CYP4F3: variants seen among roughly 807,000 people sequenced by gnomAD.
CYP4F3 encodes cytochrome P450 4F3.
In CYP4F3, 50 loss-of-function variants were observed where a neutral mutation model predicts 54.8. The observed-to-expected ratio is 0.91, with a 90% CI of 0.73 to 1.16. The LOEUF is 1.16. Among genes scored for constraint, CYP4F3 ranks in the 50% most tolerant of loss-of-function variants. The pLI is 0.00. For synonymous variants in CYP4F3, 244 were observed against 262.6 expected, an observed-to-expected ratio of 0.93 and a Z score of 0.69; for missense variants, 715 against 676.2, an observed-to-expected ratio of 1.06 and a Z score of -0.64.
At chr19:15,654,136 G>A (rs1179234954) in intron 9 of CYP4F3, among the ~76,000 whole-genome samples, 1 of 152,188 alleles carries the variant, frequency 6.6e-6, no homozygotes, top group Non-Finnish European at 1.5e-5. Flanking sequence ...CTTGGACTCA[G>A]TGTCCTCCCG....
intron 2 of CYP4F3, among the ~76,000 whole-genome samples, chr19:15,642,717 G>A (rs1047010376): frequency 2.6e-5 from 4 of 152,244 alleles, no homozygotes; most frequent in Non-Finnish European, 5.9e-5. Flanking sequence ...GAGAGATAGA[G>A]CAGGAGGAAT....
chr19:15,662,276 A>AAAAAAAAAAAAAAAAAAAG lies in CYP4F3; in HGVS notation c.*2907_*2908insAAGAAAAAAAAAAAAAAAA, dbSNP rs1260976654. On this transcript the variant is annotated 3_prime_UTR_variant, in exon 13 of 13. Transcript: ENST00000221307. ...AAAGAGCTAGATTCTCTCTCTCAAA[A>AAAAAAAAAAAAAAAAAAAG]AAAAAAAAAAAAAAAAGGAAAGAAA... is the stretch of plus-strand genomic sequence containing the variant. The AAAAAAAAAAAAAAAAAAAG allele has an allele frequency of 6.9e-6, 1 of 144,356 alleles. No homozygotes were observed. The highest frequency in any genetic ancestry group is 1.5e-5 in the Non-Finnish European group (1 of 64,962). The allele number at this position is 144,356 out of a possible 1,614,324, so 8.9% of individuals were successfully genotyped here.
At chr19:15,652,153 C>G (rs1006554271) in intron 7 of CYP4F3, among the ~76,000 whole-genome samples, 3 of 152,144 alleles carry the variant, frequency 2.0e-5, no homozygotes, top group African/African-American at 7.2e-5. Context: ...ACTTACAACT[C>G]AAATGTCTCC....
intron 11 of CYP4F3, 73 bp downstream of exon 11, chr19:15,658,628 A>T (rs1240553185): frequency 1.6e-5 from 25 of 1,609,112 alleles, no homozygotes; most frequent in African/African-American, 2.7e-5. Flanking sequence ...TGATCAGGAG[A>T]ATCCAACATC....
At chr19:15,645,168 A>G (rs2144636678) in intron 2 of CYP4F3, among the ~76,000 whole-genome samples, 1 of 152,294 alleles carries the variant, frequency 6.6e-6, no homozygotes, top group Non-Finnish European at 1.5e-5. Flanking sequence ...TAGAAGCTCA[A>G]TTCTCATGGG....
Position 15,650,866 on chromosome 19 carries a change from C to CTTTCTTTCTTTCTTTG in CYP4F3, c.918+686_918+687insCTTTCTTTCTTTGTTT, listed in dbSNP as rs1230234590. 6.4e-4 allele frequency among the ~76,000 whole-genome samples: 30 copies of CTTTCTTTCTTTCTTTG among 47,126 alleles called. 4 individuals carry two copies. The highest frequency in any genetic ancestry group is 7.9e-4 in the Non-Finnish European group (19 of 24,156). 30.9% of individuals were successfully genotyped at this position (47,126 alleles called of 152,430 possible). A position where few individuals can be genotyped will look rare whatever the true frequency, so the allele number is the denominator to read the frequency against. ...TCTTTCTTTCTTTCTTTCTTTCTTT[C>CTTTCTTTCTTTCTTTG]TTTTTCTCTCTCTCTCTTTCCTTTT... On this transcript the variant is annotated intron_variant, in intron 7 of 12. Coordinates refer to ENST00000221307, the MANE Select transcript of CYP4F3 (RefSeq NM_000896.3).
intron 6 of CYP4F3, 92 bp from the exon 7 acceptor site, chr19:15,649,821 G>T: frequency 1.3e-6 from 2 of 1,548,444 alleles, no homozygotes. Context: ...CCCGTTTACT[G>T]ATAGGAGGTA....
chr19:15,642,123 C>G (rs1268097638), intron 2 of CYP4F3, among the ~76,000 whole-genome samples: 1 of 152,178 alleles, frequency 6.6e-6, no homozygotes, highest in Non-Finnish European at 1.5e-5. Flanking sequence ...TGTTGCCAAA[C>G]CCACATAAAA....
In CYP4F3 at chr19:15,652,648, G is replaced by T. The variant is rs773519059; in HGVS notation, c.985+13G>T. 2 of 1,614,062 alleles carry T rather than the reference G, an allele frequency of 1.2e-6. No individual in the cohort carries two copies. Among genetic ancestry groups the T allele is most frequent in the African/African-American group, 1.3e-5 (1 of 74,922 alleles). On this transcript the variant is annotated intron_variant, in intron 8 of 12. Coordinates refer to ENST00000221307, the MANE Select transcript of CYP4F3 (RefSeq NM_000896.3). ...TTTATGTTTGAGGGTGAGGGCCCCA[G>T]TGTGGGGCTAGAGTGGGGACTTGGA...
intron 3 of CYP4F3, 148 bp downstream of exon 3, chr19:15,646,011 T>C (rs1972615510): frequency 1.5e-5 from 18 of 1,210,386 alleles, no homozygotes; most frequent in Non-Finnish European, 2.0e-5. Flanking sequence ...CCATCTCCCC[T>C]GGACTTCCAT....
rs202044237 is a variant in CYP4F3 at position 15,647,245 on chromosome 19, G to C, written c.446G>C (p.Arg149Pro). Reference sequence around the variant, plus strand: ...GGTGAAAAGTGGAGCCGCCACCGTCGGATGCTGACGCCTGCCTTCCATTTC... The same window carrying C: ...GGTGAAAAGTGGAGCCGCCACCGTCCGATGCTGACGCCTGCCTTCCATTTC... ...SAGEKWSRHR[R>P]MLTPAFHFNI... Residue 149 changes from arginine (R) to proline (P), a missense_variant, in exon 5 of 13, where the codon CGG becomes CCG. Transcript: ENST00000221307. The C allele has an allele frequency of 2.5e-6, 4 of 1,614,186 alleles. No individual in the cohort carries two copies. Among genetic ancestry groups the C allele is most frequent in the Non-Finnish European group, 3.4e-6 (4 of 1,180,044 alleles).
intron 7 of CYP4F3, 104 bp downstream of exon 7, chr19:15,650,287 G>A (rs1972757053): frequency 6.2e-7 from 1 of 1,604,860 alleles, no homozygotes; most frequent in Admixed American, 1.7e-5. Flanking sequence ...GGGAGCCATG[G>A]AAGGTGATTG....
intron 5 of CYP4F3, 66 bp downstream of exon 5, chr19:15,647,390 G>T (rs963938339): frequency 1.6e-5 from 26 of 1,600,430 alleles, no homozygotes; most frequent in Non-Finnish European, 2.0e-5. Context: ...GACAGATCTA[G>T]TCTGGAATTT....
At chr19:15,658,883 G>A in intron 12 of CYP4F3, 74 bp downstream of exon 12, 2 of 1,557,478 alleles carry the variant, frequency 1.3e-6, no homozygotes, top group Non-Finnish European at 8.8e-7. Flanking sequence ...TGGGGAAAAG[G>A]GGGACATTGT....
At chr19:15,657,763 T>C (rs1242430186) in intron 9 of CYP4F3, among the ~76,000 whole-genome samples, 1 of 152,208 alleles carries the variant, frequency 6.6e-6, no homozygotes, top group African/African-American at 2.4e-5. Context: ...CGTGTTGATG[T>C]TATTTGCTTT....
At chr19:15,649,303 G>A (rs753823555) in intron 6 of CYP4F3, 22 bp downstream of exon 6, 2 of 1,612,150 alleles carry the variant, frequency 1.2e-6, no homozygotes, top group African/African-American at 1.3e-5. Flanking sequence ...CCCAGGGTCT[G>A]GGATCCTGGG....
At chr19:15,648,234 A>G (rs998448851) in intron 5 of CYP4F3, among the ~76,000 whole-genome samples, 1 of 152,050 alleles carries the variant, frequency 6.6e-6, no homozygotes, top group South Asian at 2.1e-4. Flanking sequence ...TAGTTTTACT[A>G]CTCATGACAC....
At chr19:15,646,760 G>A (rs1568394318) in intron 3 of CYP4F3, among the ~76,000 whole-genome samples, 1 of 152,116 alleles carries the variant, frequency 6.6e-6, no homozygotes, top group African/African-American at 2.4e-5. Flanking sequence ...GCGTGTTCAG[G>A]GTTTGCAGAA....
intron 9 of CYP4F3, among the ~76,000 whole-genome samples, chr19:15,653,797 A>C (rs977986969): frequency 6.7e-6 from 1 of 148,246 alleles, no homozygotes; most frequent in African/African-American, 2.5e-5. Context: ...CAGGGTCAGG[A>C]CAGAAAGGAG....
Sources: gnomAD v4.1 joint callset for allele counts (sites outside exome capture counted in the v4.1 genomes callset) on GRCh38, gnomAD v4.1.1 for gene constraint, MANE v1.5 for transcripts, NCBI Gene and HGNC (gene_info 2026-07-23, HGNC 2026-07-21) for gene names.